OSBPL8: variants seen among roughly 807,000 people sequenced by gnomAD.
OSBPL8 encodes the protein oxysterol binding protein like 8.
A neutral mutation model predicts 125.5 loss-of-function variants in OSBPL8; 59 were observed. The observed-to-expected ratio is 0.47, with a 90% CI of 0.38 to 0.58. The LOEUF is 0.58. OSBPL8 is among the 20% of genes least tolerant of loss of function. OSBPL8 has a pLI of 0.00. For synonymous variants in OSBPL8, 330 were observed against 338.9 expected, an observed-to-expected ratio of 0.97 and a Z score of 0.29; for missense variants, 758 against 1,047.8, an observed-to-expected ratio of 0.72 and a Z score of 3.82.
At chr12:76,414,450 G>GTTTT (rs35085467) in intron 4 of OSBPL8, among the ~76,000 whole-genome samples, 3 of 120,508 alleles carry the variant, frequency 2.5e-5, no homozygotes, top group Admixed American at 8.7e-5. Flanking sequence ...TATTTTTCTG[G>GTTTT]TTTTTTTTTT....
chr12:76,438,341 C>T (rs1313353702), intron 4 of OSBPL8, among the ~76,000 whole-genome samples: 1 of 148,862 alleles, frequency 6.7e-6, no homozygotes, highest in African/African-American at 2.5e-5. Flanking sequence ...CTCACTCTGT[C>T]GCTCACGCTG....
chr12:76,374,367 A>G (rs970035167), intron 17 of OSBPL8, among the ~76,000 whole-genome samples: 4 of 152,094 alleles, frequency 2.6e-5, no homozygotes, highest in African/African-American at 4.8e-5. Context: ...CACTCTCCCA[A>G]TGAGAAGTGG....
At chr12:76,450,227 G>T (rs1311802605) in intron 4 of OSBPL8, among the ~76,000 whole-genome samples, 1 of 152,042 alleles carries the variant, frequency 6.6e-6, no homozygotes, top group African/African-American at 2.4e-5. Context: ...TAGAGGCCAG[G>T]GATACTGCTA....
At chr12:76,378,702 T>C in intron 15 of OSBPL8, 152 bp from the exon 16 acceptor site, 1 of 594,270 alleles carries the variant, frequency 1.7e-6, no homozygotes, top group South Asian at 2.1e-5. Flanking sequence ...TTCATTACCT[T>C]ATATCCAAAA....
chr12:76,454,617 G>T (rs544630223), intron 3 of OSBPL8, among the ~76,000 whole-genome samples: 1 of 152,038 alleles, frequency 6.6e-6, no homozygotes, highest in Non-Finnish European at 1.5e-5. Flanking sequence ...TACTAGGGAG[G>T]CTGAGGTGGG....
chr12:76,417,337 G>T (rs1868815965), intron 4 of OSBPL8, among the ~76,000 whole-genome samples: 1 of 152,116 alleles, frequency 6.6e-6, no homozygotes, highest in Non-Finnish European at 1.5e-5. Context: ...GTCTTTGATG[G>T]TCTGTAGTTT....
intron 1 of OSBPL8, among the ~76,000 whole-genome samples, chr12:76,518,064 C>T (rs1054155995): frequency 6.6e-6 from 1 of 152,176 alleles, no homozygotes; most frequent in African/African-American, 2.4e-5. Flanking sequence ...AATAGTCTCC[C>T]AAAGTCTTAA....
intron 4 of OSBPL8, among the ~76,000 whole-genome samples, chr12:76,443,119 C>T (rs1009188092): frequency 7.9e-5 from 12 of 151,970 alleles, no homozygotes; most frequent in African/African-American, 2.4e-4. Context: ...TTTGATAAAA[C>T]TGATTAAGCA....
chr12:76,538,584 T>G (rs1343192527), intron 1 of OSBPL8, among the ~76,000 whole-genome samples: 2 of 152,184 alleles, frequency 1.3e-5, no homozygotes, highest in Non-Finnish European at 2.9e-5. Flanking sequence ...TAAGTATAGT[T>G]CAAAGGCTTT....
Position 76,369,696 on chromosome 12 carries a change from C to A in OSBPL8, c.2181G>T (p.Trp727Cys). Residue 727 changes from tryptophan (W) to cysteine (C), a missense_variant, in exon 20 of 24, where the codon TGG (tryptophan) becomes TGT (cysteine). Physicochemically the swap from Trp to Cys is radical, Grantham distance 215 (BLOSUM62 -2). Transcript: ENST00000261183. Reference sequence around the variant, plus strand: ...GATCAAGTTCAAATAATTTGCAAGACCACTCTTCATTTTTTGTTTTCCGAT... The same window carrying A: ...GATCAAGTTCAAATAATTTGCAAGAACACTCTTCATTTTTTGTTTTCCGAT... ...ARDRKTKNEE[W>C]SCKLFELDPL... The A allele has an allele frequency of 6.2e-7, 1 of 1,613,676 alleles. No individual in the cohort carries two copies. Among genetic ancestry groups the A allele is most frequent in the Non-Finnish European group, 8.5e-7 (1 of 1,179,750 alleles).
rs542287218 is a variant in OSBPL8, at chr12:76,370,902, T to C, written c.2054+546A>G. On this transcript the variant is annotated intron_variant, in intron 19 of 23. Transcript: ENST00000261183. Reference sequence around the variant, plus strand: ...ACACAAAGATATAACAACAATAAAATAGGGAATGTGTATACAATATTTCTG... The same window carrying C: ...ACACAAAGATATAACAACAATAAAACAGGGAATGTGTATACAATATTTCTG... Among the ~76,000 whole-genome samples, 6 of 152,256 alleles carry C rather than the reference T, an allele frequency of 3.9e-5. No homozygotes were observed. In the East Asian group the frequency reaches 9.6e-4, roughly 24 times the overall value.
chr12:76,427,339 G>A (rs562111641), intron 4 of OSBPL8, among the ~76,000 whole-genome samples: 85 of 151,652 alleles, frequency 5.6e-4, no homozygotes, highest in African/African-American at 1.8e-3. Flanking sequence ...ATGTATACTC[G>A]CACATATGTG....
At chr12:76,542,791 A>G (rs1283861957) in intron 1 of OSBPL8, among the ~76,000 whole-genome samples, 1 of 152,168 alleles carries the variant, frequency 6.6e-6, no homozygotes, top group Non-Finnish European at 1.5e-5. Context: ...ACAAAAAGCA[A>G]AATCCTTAAC....
intron 1 of OSBPL8, among the ~76,000 whole-genome samples, chr12:76,491,027 C>T (rs1255363834): frequency 6.6e-6 from 1 of 152,194 alleles, no homozygotes; most frequent in African/African-American, 2.4e-5. Flanking sequence ...ATCCTGCTGA[C>T]ACTGAAATGG....
At chr12:76,538,620 G>A (rs1235468490) in intron 1 of OSBPL8, among the ~76,000 whole-genome samples, 1 of 152,110 alleles carries the variant, frequency 6.6e-6, no homozygotes, top group African/African-American at 2.4e-5. Context: ...CTTATTTAAA[G>A]GTAAGAAATT....
chr12:76,456,287 G>A (rs761318184), intron 3 of OSBPL8, among the ~76,000 whole-genome samples: 1 of 151,986 alleles, frequency 6.6e-6, no homozygotes, highest in African/African-American at 2.4e-5. Flanking sequence ...TATAGATCAC[G>A]TACTTTTTTC....
chr12:76,435,810 T>C (rs1207110491), intron 4 of OSBPL8, among the ~76,000 whole-genome samples: 1 of 152,144 alleles, frequency 6.6e-6, no homozygotes, highest in Non-Finnish European at 1.5e-5. Flanking sequence ...GGTCTTCCTT[T>C]ACATATAAGG....
At chr12:76,535,234 A>C (rs1950458674) in intron 1 of OSBPL8, among the ~76,000 whole-genome samples, 1 of 152,148 alleles carries the variant, frequency 6.6e-6, no homozygotes, top group Non-Finnish European at 1.5e-5. Context: ...CAAATGACTC[A>C]GATTCTGACT....
chr12:76,409,185 A>G (rs1414842575), intron 5 of OSBPL8, among the ~76,000 whole-genome samples: 2 of 152,110 alleles, frequency 1.3e-5, no homozygotes, highest in African/African-American at 4.8e-5. Context: ...TGAAAAGCAG[A>G]AAGGTCACTC....
Sources: allele counts gnomAD v4.1 joint callset (sites outside exome capture counted in the v4.1 genomes callset), GRCh38; gene constraint gnomAD v4.1.1; transcripts MANE v1.5; gene names NCBI Gene and HGNC (gene_info 2026-07-23, HGNC 2026-07-21).